Variants in EPSTI1 observed in about 807,000 individuals in gnomAD.
The protein encoded by EPSTI1 is epithelial stromal interaction 1.
In EPSTI1, 66 loss-of-function variants were observed where a neutral mutation model predicts 49.9. The ratio of observed to expected loss-of-function variants is 1.32; its 90% CI spans 1.08 to 1.62. The LOEUF (loss-of-function observed/expected upper bound fraction) is 1.62. EPSTI1 is among the 40% of genes most tolerant of loss of function. EPSTI1 has a pLI of 0.00. For missense variants in EPSTI1, 394 were observed against 365.5 expected, an observed-to-expected ratio of 1.08 and a Z score of -0.64; for synonymous variants, 137 against 130.7, an observed-to-expected ratio of 1.05 and a Z score of -0.33.
chr13:42,992,096 G>T lies in EPSTI1; in HGVS notation c.70C>A (p.Pro24Thr), dbSNP rs2040207408. Residue 24 changes from proline to threonine, a missense_variant, in exon 1 of 11, where the codon CCC becomes ACC. Coordinates refer to ENST00000313624, the MANE Select transcript of EPSTI1 (RefSeq NM_033255.5). ...ASPASRPTRDPQDPSGRQGEL... is the reference protein window; with the variant it reads ...ASPASRPTRDTQDPSGRQGEL... ...CCTTGCCGCCCAGAAGGGTCCTGGG[G>T]ATCCCGGGTCGGGCGGGAGGCAGGG... 1 of 1,612,448 alleles carries T rather than the reference G, an allele frequency of 6.2e-7. No individual in the cohort carries two copies. Among genetic ancestry groups the T allele is most frequent in the South Asian group, 1.1e-5 (1 of 91,026 alleles).
At chr13:42,908,214 A>G (rs767261030) in intron 8 of EPSTI1, among the ~76,000 whole-genome samples, 1 of 152,240 alleles carries the variant, frequency 6.6e-6, no homozygotes, top group Non-Finnish European at 1.5e-5. Flanking sequence ...AGCTGGGCAC[A>G]GTGGTTCATG....
At chr13:42,955,830 T>C (rs4394974) in intron 5 of EPSTI1, among the ~76,000 whole-genome samples, 97,825 of 143,354 alleles carry the variant, frequency 0.68, 33,242 homozygotes, top group East Asian at 0.89. Context: ...AAACAAAAAA[T>C]GTTTGTTTAT....
In EPSTI1 at chr13:42,988,850, G is replaced by GTTTA. The variant is rs71734350; in HGVS notation, c.188+3124_188+3127dup. ...TACTTTCTTTCTATGCAAATAGGTG[G>GTTTA]TTTATTTATTTATTTATTTATTTAT... On this transcript the variant is annotated intron_variant, in intron 1 of 10. Transcript: ENST00000313624. Among the ~76,000 whole-genome samples the GTTTA allele has an allele frequency of 2.1e-3, 319 of 150,008 alleles. 1 individual carries two copies. The highest frequency in any genetic ancestry group is 7.4e-3 in the African/African-American group (301 of 40,484).
At chr13:42,990,214 CTA>C (rs2040169930) in intron 1 of EPSTI1, among the ~76,000 whole-genome samples, 1 of 148,444 alleles carries the variant, frequency 6.7e-6, no homozygotes, top group Admixed American at 6.7e-5. Context: ...TGAGAGATAA[CTA>C]AACACTTCCT....
intron 3 of EPSTI1, among the ~76,000 whole-genome samples, 187 bp downstream of exon 3, chr13:42,968,907 G>A (rs1217691077): frequency 9.5e-4 from 109 of 115,032 alleles, no homozygotes; most frequent in Middle Eastern, 4.3e-3. Context: ...CAGAAAATCA[G>A]AAAAAAAAAA....
At chr13:42,908,959 G>T (rs898654376) in intron 8 of EPSTI1, among the ~76,000 whole-genome samples, 1 of 151,592 alleles carries the variant, frequency 6.6e-6, no homozygotes, top group Non-Finnish European at 1.5e-5. Flanking sequence ...TGGGTGTGGT[G>T]GTGGGCGCCT....
At chr13:42,901,823 A>T (rs1407520293) in intron 8 of EPSTI1, among the ~76,000 whole-genome samples, 3 of 152,052 alleles carry the variant, frequency 2.0e-5, no homozygotes, top group African/African-American at 4.8e-5. Context: ...TGTGCAGGTT[A>T]GTTACATATG....
intron 1 of EPSTI1, among the ~76,000 whole-genome samples, chr13:42,975,317 C>T (rs2039860542): frequency 6.6e-6 from 1 of 152,168 alleles, no homozygotes; most frequent in African/African-American, 2.4e-5. Context: ...TATTATACCA[C>T]CCCTGATCAA....
intron 1 of EPSTI1, among the ~76,000 whole-genome samples, chr13:42,980,917 G>C (rs2039975998): frequency 6.6e-6 from 1 of 152,108 alleles, no homozygotes; most frequent in Non-Finnish European, 1.5e-5. Context: ...ATTTTTAATA[G>C]AGAAATATTT....
intron 6 of EPSTI1, among the ~76,000 whole-genome samples, chr13:42,937,214 G>A (rs201300640): frequency 0.033 from 3,242 of 97,718 alleles, 99 homozygotes; most frequent in East Asian, 0.2. Context: ...AAAAATACAC[G>A]TTGTTGCTAA....
Position 42,900,370 on chromosome 13 carries a change from T to A in EPSTI1, c.755A>T (p.Glu252Val). The A allele has an allele frequency of 6.2e-7, 1 of 1,613,678 alleles. No individual in the cohort carries two copies. The highest frequency in any genetic ancestry group is 8.5e-7 in the Non-Finnish European group (1 of 1,179,712). The change falls in exon 9 of 11, where the codon GAA becomes GTA. Residue 252 changes from glutamate to valine, a missense_variant. By Grantham distance (121) the Glu-to-Val change is moderately radical (BLOSUM62 -2). Coordinates refer to ENST00000313624, the MANE Select transcript of EPSTI1 (RefSeq NM_033255.5). ...TTGCTCTTGCTGCTGCCGTTTCAGTTCCAGTAATTCACTCTAGGAACAATA... is the reference window on the plus strand; with the variant it reads ...TTGCTCTTGCTGCTGCCGTTTCAGTACCAGTAATTCACTCTAGGAACAATA... ...DEQHQKSELL[E>V]LKRQQQEQER... is the part of the protein sequence containing the mutation.
At chr13:42,982,683 G>A (rs1006110434) in intron 1 of EPSTI1, among the ~76,000 whole-genome samples, 1 of 152,190 alleles carries the variant, frequency 6.6e-6, no homozygotes, top group African/African-American at 2.4e-5. Context: ...AAGCTATGAT[G>A]GGGTTCACGA....
chr13:42,940,407 T>C (rs763790146), intron 6 of EPSTI1, among the ~76,000 whole-genome samples: 14 of 152,248 alleles, frequency 9.2e-5, no homozygotes, highest in African/African-American at 2.2e-4. Context: ...TGTTCCTTCA[T>C]AGGAATTGTT....
intron 8 of EPSTI1, among the ~76,000 whole-genome samples, chr13:42,910,930 G>A (rs564580984): frequency 6.6e-6 from 1 of 151,708 alleles, no homozygotes; most frequent in South Asian, 2.1e-4. Flanking sequence ...CTACAAGTAT[G>A]TTAAGAAAAT....
chr13:42,910,243 T>C (rs947646530), intron 8 of EPSTI1, among the ~76,000 whole-genome samples: 1 of 149,006 alleles, frequency 6.7e-6, no homozygotes, highest in Non-Finnish European at 1.5e-5. Flanking sequence ...CTTGTATATA[T>C]TTTTTAACCA....
At chr13:42,949,744 C>T (rs1015542189) in intron 6 of EPSTI1, among the ~76,000 whole-genome samples, 4 of 151,914 alleles carry the variant, frequency 2.6e-5, no homozygotes, top group African/African-American at 7.3e-5. Context: ...TCCTAATACC[C>T]GCACACAAAA....
Position 42,969,085 on chromosome 13 carries a change from C to T in EPSTI1, c.331+9G>A. On this transcript the variant is annotated intron_variant, in intron 3 of 10. Coordinates refer to ENST00000313624, the MANE Select transcript of EPSTI1 (RefSeq NM_033255.5). ...CTCCCTCATTCCGGCAGCGGCTGTG[C>T]TTGCTTACCTAGCCGTCTGGGCACC... The T allele has an allele frequency of 6.2e-7, 1 of 1,614,042 alleles. No homozygotes were observed. Among genetic ancestry groups the T allele is most frequent in the African/African-American group, 1.3e-5 (1 of 75,046 alleles).
chr13:42,921,730 C>T (rs568990851), intron 7 of EPSTI1, among the ~76,000 whole-genome samples: 1 of 152,090 alleles, frequency 6.6e-6, no homozygotes, highest in African/African-American at 2.4e-5. Flanking sequence ...TTTAAAGCTC[C>T]CTAGGTGAAT....
At chr13:42,986,975 C>A (rs573824807) in intron 1 of EPSTI1, among the ~76,000 whole-genome samples, 2 of 152,274 alleles carry the variant, frequency 1.3e-5, no homozygotes, top group Admixed American at 6.5e-5. Flanking sequence ...CCACCACCTA[C>A]CCCTTCATCT....
Sources: allele counts gnomAD v4.1 joint callset (sites outside exome capture counted in the v4.1 genomes callset), GRCh38; gene constraint gnomAD v4.1.1; transcripts MANE v1.5; gene names NCBI Gene and HGNC (gene_info 2026-07-23, HGNC 2026-07-21).